RHOBTB1: variants seen among roughly 807,000 people sequenced by gnomAD.
The protein encoded by RHOBTB1 is rho-related BTB domain-containing protein 1.
RHOBTB1 carries 40 observed loss-of-function variants against 71.6 expected under a neutral mutation model. That is an observed-to-expected ratio of 0.56 (90% confidence interval 0.43 to 0.73). The LOEUF is 0.73. Among genes scored for constraint, RHOBTB1 ranks in the 30% least tolerant of loss-of-function variants. The probability of loss-of-function intolerance (pLI) is 0.00; values close to 1 mark genes in which losing one functional copy is unlikely to be tolerated. For synonymous variants in RHOBTB1, 319 were observed against 334.9 expected (o/e 0.95, Z 0.52); for missense variants, 797 against 894.0 (o/e 0.89, Z 1.38).
chr10:60,974,176 G>C (rs1429454365), intron 2 of RHOBTB1, among the ~76,000 whole-genome samples: 3 of 151,892 alleles, frequency 2.0e-5, no homozygotes, highest in Admixed American at 2.0e-4. Context: ...CCTCTTTCCA[G>C]CAGTTTCAAA....
At chr10:60,955,231 T>C (rs2085550263) in intron 2 of RHOBTB1, among the ~76,000 whole-genome samples, 1 of 151,672 alleles carries the variant, frequency 6.6e-6, no homozygotes, top group Non-Finnish European at 1.5e-5. Context: ...TTTTAGTAGA[T>C]GGGGTTTCAC....
intron 9 of RHOBTB1, 47 bp from the exon 10 acceptor site, chr10:60,872,337 G>A: frequency 1.5e-6 from 2 of 1,367,482 alleles, no homozygotes; most frequent in Non-Finnish European, 2.1e-6. Flanking sequence ...TTCTAAAGAG[G>A]GGCTACAAAG....
chr10:60,918,159 AC>A (rs1400983352), intron 2 of RHOBTB1, among the ~76,000 whole-genome samples: 4 of 151,900 alleles, frequency 2.6e-5, no homozygotes, highest in African/African-American at 9.7e-5. Context: ...CTTATACAAC[AC>A]CCCTTTTCTG....
chr10:60,961,914 TCTC>T (rs2085795536), intron 2 of RHOBTB1, among the ~76,000 whole-genome samples: 1 of 151,980 alleles, frequency 6.6e-6, no homozygotes, highest in South Asian at 2.1e-4. Context: ...TTCAAATGAT[TCTC>T]CTGCTCCAGC....
In RHOBTB1 at chr10:60,871,203, A is replaced by G. The variant is rs533043544; in HGVS notation, c.*279T>C. Reference sequence around the variant, plus strand: ...TTTTCTTTGTATAAAAAGAAACAAAATAACAGACTAAAGTTTATTAAGCCT... The same window carrying G: ...TTTTCTTTGTATAAAAAGAAACAAAGTAACAGACTAAAGTTTATTAAGCCT... On this transcript the variant is annotated 3_prime_UTR_variant, in exon 11 of 11. Transcript: ENST00000337910. 16 of 312,848 alleles carry G rather than the reference A, an allele frequency of 5.1e-5. No homozygotes were observed. The highest frequency in any genetic ancestry group is 3.4e-4 in the African/African-American group (16 of 46,734). 19.4% of individuals were successfully genotyped at this position (312,848 alleles called of 1,614,324 possible).
rs2080738744 is a variant in RHOBTB1, at chr10:60,870,686, A to G, written c.*796T>C. The G allele has an allele frequency of 6.6e-6, 1 of 152,462 alleles. No homozygotes were observed. Among genetic ancestry groups the G allele is most frequent in the African/African-American group, 2.4e-5 (1 of 41,460 alleles). The allele number at this position is 152,462 out of a possible 1,614,324, so 9.4% of individuals were successfully genotyped here. ...AACACCAGCGCACTAATGGTATCTT[A>G]TGTATTCAGGTCCACCAGTGAGTTT... On this transcript the variant is annotated 3_prime_UTR_variant, in exon 11 of 11. Coordinates refer to ENST00000337910, the MANE Select transcript of RHOBTB1 (RefSeq NM_014836.5).
chr10:60,886,145 G>C lies in RHOBTB1; in HGVS notation c.1542C>G (p.Phe514Leu). 1 of 1,613,990 alleles carries C rather than the reference G, an allele frequency of 6.2e-7. No homozygotes were observed. The highest frequency in any genetic ancestry group is 8.5e-7 in the Non-Finnish European group (1 of 1,179,926). Residue 514 changes from phenylalanine (F) to leucine (L), a missense_variant, in exon 7 of 11, where the codon TTC (phenylalanine) becomes TTG (leucine). Transcript: ENST00000337910. ...ICSCEWMAAM[F>L]GGSFVESANS... Reference sequence around the variant, plus strand: ...TGGCACTTTCCACAAATGACCCCCCGAACATGGCTGCCATCCACTCACAGC... The same window carrying C: ...TGGCACTTTCCACAAATGACCCCCCCAACATGGCTGCCATCCACTCACAGC...
chr10:60,928,628 G>T (rs767347209), intron 2 of RHOBTB1, among the ~76,000 whole-genome samples: 2 of 152,076 alleles, frequency 1.3e-5, no homozygotes, highest in Non-Finnish European at 2.9e-5. Context: ...GGCTGGAAAG[G>T]GTAGTGGAAA....
At chr10:60,953,369 G>T (rs2085479192) in intron 2 of RHOBTB1, among the ~76,000 whole-genome samples, 1 of 152,122 alleles carries the variant, frequency 6.6e-6, no homozygotes. Context: ...TGAAGGCCCG[G>T]CTTCTCTCAT....
chr10:60,934,104 G>A (rs1402607543), intron 2 of RHOBTB1, among the ~76,000 whole-genome samples: 3 of 151,994 alleles, frequency 2.0e-5, no homozygotes, highest in Non-Finnish European at 4.4e-5. Flanking sequence ...CAAAAAAGAG[G>A]GCAAGGAGGT....
chr10:60,864,676 TA>T (rs1460314126), downstream of RHOBTB1, among the ~76,000 whole-genome samples: 1 of 152,092 alleles, frequency 6.6e-6, no homozygotes, highest in Non-Finnish European at 1.5e-5. Flanking sequence ...GATGACTACT[TA>T]TTTTATTTTA....
At position 60,931,224 on chromosome 10, in the gene RHOBTB1, A is replaced by T. The variant is rs181305518; in HGVS notation, c.-11+10580T>A. The stretch of plus-strand genomic sequence containing the variant: ...CACATCTCATTCTTTTAAAGTATAC[A>T]ATTCAGTGGTGTTTATGATATTAAC... On this transcript the variant is annotated intron_variant, in intron 2 of 10. Coordinates refer to ENST00000337910, the MANE Select transcript of RHOBTB1 (RefSeq NM_014836.5). Among the ~76,000 whole-genome samples the T allele has an allele frequency of 1.9e-3, 295 of 152,236 alleles. 1 individual carries two copies. The highest frequency in any genetic ancestry group is 6.8e-3 in the African/African-American group (284 of 41,552).
intron 1 of RHOBTB1, among the ~76,000 whole-genome samples, chr10:60,991,997 A>T (rs1252494757): frequency 1.3e-5 from 2 of 152,216 alleles, no homozygotes; most frequent in African/African-American, 4.8e-5. Flanking sequence ...TGTCTAACAC[A>T]TAGTAGATTA....
intron 5 of RHOBTB1, among the ~76,000 whole-genome samples, chr10:60,890,592 C>T (rs544708858): frequency 6.6e-6 from 1 of 152,290 alleles, no homozygotes; most frequent in South Asian, 2.1e-4. Context: ...TTGTGACACA[C>T]ATCACAAAGT....
chr10:60,896,007 C>T (rs1467943246), intron 4 of RHOBTB1, among the ~76,000 whole-genome samples: 2 of 152,200 alleles, frequency 1.3e-5, no homozygotes, highest in African/African-American at 2.4e-5. Flanking sequence ...AACACATATA[C>T]AATCAAGTAA....
chr10:60,960,860 A>AT (rs1012916600), intron 2 of RHOBTB1, among the ~76,000 whole-genome samples: 6 of 152,072 alleles, frequency 3.9e-5, no homozygotes, highest in East Asian at 1.9e-4. Context: ...CTTCAGGAAG[A>AT]TTTTTTTGTC....
chr10:60,890,687 C>T (rs542514562), intron 5 of RHOBTB1, among the ~76,000 whole-genome samples: 1 of 152,092 alleles, frequency 6.6e-6, no homozygotes, highest in Non-Finnish European at 1.5e-5. Context: ...ATAGGACAGA[C>T]ACTGGTCTTA....
chr10:60,935,023 A>G (rs182240973), intron 2 of RHOBTB1, among the ~76,000 whole-genome samples: 17 of 152,326 alleles, frequency 1.1e-4, no homozygotes, highest in Admixed American at 7.8e-4. Context: ...TGTTTTGCAT[A>G]CTGCTATCTG....
At chr10:60,935,346 T>C (rs1431751159) in intron 2 of RHOBTB1, among the ~76,000 whole-genome samples, 1 of 152,178 alleles carries the variant, frequency 6.6e-6, no homozygotes, top group East Asian at 1.9e-4. Flanking sequence ...GATAGGGGCA[T>C]GAGAAGGGCT....
Sources: allele counts gnomAD v4.1 joint callset (sites outside exome capture counted in the v4.1 genomes callset), GRCh38; gene constraint gnomAD v4.1.1; transcripts MANE v1.5; gene names NCBI Gene and HGNC (gene_info 2026-07-23, HGNC 2026-07-21).